Variants in MMP16 observed in about 807,000 individuals in gnomAD.
MMP16 encodes matrix metallopeptidase 16.
In MMP16, 12 loss-of-function variants were observed where a neutral mutation model predicts 67.8. That is an observed-to-expected ratio of 0.18 (90% CI 0.11 to 0.29). The LOEUF is 0.29. Ranked by LOEUF, MMP16 falls within the 10% of genes least tolerant of loss-of-function variation. The probability of loss-of-function intolerance (pLI) is 1.00; values close to 1 mark genes in which losing one functional copy is unlikely to be tolerated. For synonymous variants in MMP16, 249 were observed against 255.9 expected (o/e 0.97, Z 0.26); for missense variants, 475 against 765.7 (o/e 0.62, Z 4.48).
At chr8:88,177,631 T>C (rs1387003629) in intron 3 of MMP16, among the ~76,000 whole-genome samples, 1 of 152,204 alleles carries the variant, frequency 6.6e-6, no homozygotes, top group Non-Finnish European at 1.5e-5. Flanking sequence ...AATAATGCCA[T>C]GAGTATTCTA....
At chr8:88,247,700 T>C (rs1239931249) in intron 1 of MMP16, among the ~76,000 whole-genome samples, 1 of 152,120 alleles carries the variant, frequency 6.6e-6, no homozygotes, top group Non-Finnish European at 1.5e-5. Flanking sequence ...AGAAAAGTCA[T>C]GAATATAGAA....
chr8:88,137,720 G>A (rs56041610), intron 4 of MMP16, among the ~76,000 whole-genome samples: 1 of 151,710 alleles, frequency 6.6e-6, no homozygotes, highest in Non-Finnish European at 1.5e-5. Flanking sequence ...TAATTTCATA[G>A]GTGTTAGATG....
chr8:88,148,920 G>A (rs563933668), intron 4 of MMP16, among the ~76,000 whole-genome samples: 8 of 152,288 alleles, frequency 5.3e-5, no homozygotes, highest in South Asian at 2.1e-4. Flanking sequence ...CGCAGAAGAC[G>A]GGTGATTTCT....
At chr8:88,301,267 A>G (rs530438110) in intron 1 of MMP16, among the ~76,000 whole-genome samples, 3 of 152,194 alleles carry the variant, frequency 2.0e-5, no homozygotes, top group South Asian at 4.1e-4. Flanking sequence ...CGTTCCCTCA[A>G]TATACCTCCT....
chr8:88,302,343 C>A (rs1057038416), intron 1 of MMP16, among the ~76,000 whole-genome samples: 1 of 152,202 alleles, frequency 6.6e-6, no homozygotes, highest in African/African-American at 2.4e-5. Context: ...AAAATTATTG[C>A]TTAAGGCCAA....
At chr8:88,158,155 A>C (rs2129670288) in intron 4 of MMP16, among the ~76,000 whole-genome samples, 1 of 152,316 alleles carries the variant, frequency 6.6e-6, no homozygotes, top group Non-Finnish European at 1.5e-5. Context: ...TCTTTATAGC[A>C]GCATGATTTA....
intron 2 of MMP16, among the ~76,000 whole-genome samples, chr8:88,187,048 G>T (rs1345056710): frequency 6.6e-6 from 1 of 152,084 alleles, no homozygotes; most frequent in Non-Finnish European, 1.5e-5. Context: ...ATTCAAGAGG[G>T]TATATGCTAC....
intron 1 of MMP16, among the ~76,000 whole-genome samples, chr8:88,307,306 T>C (rs764079889): frequency 6.6e-6 from 1 of 152,146 alleles, no homozygotes; most frequent in South Asian, 2.1e-4. Flanking sequence ...TGAAGAGTCT[T>C]GAATGAAAGT....
At position 88,299,123 on chromosome 8, in the gene MMP16, T is replaced by G. The variant is rs577095046; in HGVS notation, c.132+27952A>C. On this transcript the variant is annotated intron_variant, in intron 1 of 9. Coordinates refer to ENST00000286614, the MANE Select transcript of MMP16 (RefSeq NM_005941.5). Reference sequence around the variant, plus strand: ...AAGGAAGAAAGTTGAGGTTATTCAGTAAAGAGCTCAGTCCTTTTTACCTAC... The same window carrying G: ...AAGGAAGAAAGTTGAGGTTATTCAGGAAAGAGCTCAGTCCTTTTTACCTAC... Among the ~76,000 whole-genome samples, 667 of 152,238 alleles carry G rather than the reference T, an allele frequency of 4.4e-3. 7 individuals are homozygous for G. The highest frequency in any genetic ancestry group is 0.015 in the African/African-American group (639 of 41,550).
chr8:88,261,792 C>CACA (rs1321855639), intron 1 of MMP16, among the ~76,000 whole-genome samples: 1 of 151,520 alleles, frequency 6.6e-6, no homozygotes, highest in South Asian at 2.1e-4. Flanking sequence ...CACACACACA[C>CACA]AACCATATAA....
intron 6 of MMP16, among the ~76,000 whole-genome samples, chr8:88,104,006 C>G (rs767247072): frequency 6.6e-6 from 1 of 151,622 alleles, no homozygotes; most frequent in Non-Finnish European, 1.5e-5. Flanking sequence ...TTTAGTCAGT[C>G]TAAAGAAAAA....
At chr8:88,214,461 T>A (rs12550743) in intron 1 of MMP16, among the ~76,000 whole-genome samples, 1 of 152,188 alleles carries the variant, frequency 6.6e-6, no homozygotes, top group Non-Finnish European at 1.5e-5. Flanking sequence ...TCTCACTATC[T>A]TCAGGCTCAG....
At chr8:88,117,912 A>G (rs1040743301) in intron 5 of MMP16, among the ~76,000 whole-genome samples, 2 of 152,130 alleles carry the variant, frequency 1.3e-5, no homozygotes, top group Admixed American at 6.6e-5. Context: ...ATTTAGTATA[A>G]AGCATATTTG....
At chr8:88,190,943 G>A (rs1174529245) in intron 2 of MMP16, among the ~76,000 whole-genome samples, 2 of 152,070 alleles carry the variant, frequency 1.3e-5, no homozygotes, top group Non-Finnish European at 2.9e-5. Context: ...GAAATTTTAA[G>A]TTGACATCCC....
At chr8:88,287,819 T>C (rs1369716639) in intron 1 of MMP16, among the ~76,000 whole-genome samples, 1 of 152,194 alleles carries the variant, frequency 6.6e-6, no homozygotes, top group Non-Finnish European at 1.5e-5. Flanking sequence ...TTTGTGTTAT[T>C]GTAACAAAAA....
intron 2 of MMP16, 111 bp from the exon 3 acceptor site, chr8:88,186,709 A>G: frequency 1.0e-5 from 14 of 1,405,932 alleles, no homozygotes; most frequent in Non-Finnish European, 1.3e-5. Context: ...TGAGACAGTG[A>G]TGATGAAAAT....
chr8:88,213,496 C>A lies in MMP16; in HGVS notation c.133-16190G>T, dbSNP rs557779857. Among the ~76,000 whole-genome samples, 11 of 152,082 alleles carry A rather than the reference C, an allele frequency of 7.2e-5. No individual in the cohort carries two copies. The East Asian group carries it at 2.1e-3, about 29-fold the overall frequency. ...ATAGAAAATAAGGTAACGCCAATGGCAGAATTAATGTAGATTATGTATACT... is the reference window on the plus strand; with the variant it reads ...ATAGAAAATAAGGTAACGCCAATGGAAGAATTAATGTAGATTATGTATACT... On this transcript the variant is annotated intron_variant, in intron 1 of 9. Coordinates refer to ENST00000286614, the MANE Select transcript of MMP16 (RefSeq NM_005941.5).
At chr8:88,139,828 T>C (rs1041280414) in intron 4 of MMP16, among the ~76,000 whole-genome samples, 2 of 152,170 alleles carry the variant, frequency 1.3e-5, no homozygotes, top group African/African-American at 2.4e-5. Flanking sequence ...GTTAATTTCA[T>C]AGAAAACAGG....
chr8:88,147,325 T>C (rs1808310241), intron 4 of MMP16, among the ~76,000 whole-genome samples: 1 of 152,108 alleles, frequency 6.6e-6, no homozygotes, highest in Non-Finnish European at 1.5e-5. Context: ...GATCTGAGAA[T>C]ATTTTAATTC....
Sources: allele counts gnomAD v4.1 joint callset (sites outside exome capture counted in the v4.1 genomes callset), GRCh38; gene constraint gnomAD v4.1.1; transcripts MANE v1.5; gene names NCBI Gene and HGNC (gene_info 2026-07-23, HGNC 2026-07-21).